USP6NL: variants seen among roughly 807,000 people sequenced by gnomAD.
The protein encoded by USP6NL is USP6 N-terminal-like protein.
Under a neutral mutation model 61.9 loss-of-function variants are expected in USP6NL, and 26 were observed. The ratio of observed to expected loss-of-function variants is 0.42; its 90% CI spans 0.31 to 0.58. The LOEUF (loss-of-function observed/expected upper bound fraction) is 0.58, where lower values mean the gene tolerates loss of function less well. Among genes scored for constraint, USP6NL ranks in the 20% least tolerant of loss-of-function variants. The pLI is 0.16. For synonymous variants in USP6NL, 432 were observed against 390.1 expected, an observed-to-expected ratio of 1.11 and a Z score of -1.27; for missense variants, 1,114 against 1,034.3, an observed-to-expected ratio of 1.08 and a Z score of -1.06.
rs1235981348 is a variant in USP6NL, at chr10:11,491,476, G to A, written c.495-596C>T. 1.3e-5 allele frequency among the ~76,000 whole-genome samples: 2 copies of A among 152,198 alleles called. No individual in the cohort carries two copies. Among genetic ancestry groups the A allele is most frequent in the Admixed American group, 1.3e-4 (2 of 15,278 alleles). Reference sequence around the variant, plus strand: ...CGAGAGATCTTAGTTCCAAAAGGAGGAATGCTTCCACCATGAGACATAACA... The same window carrying A: ...CGAGAGATCTTAGTTCCAAAAGGAGAAATGCTTCCACCATGAGACATAACA... On this transcript the variant is annotated intron_variant, in intron 8 of 14. Coordinates refer to ENST00000609104, the MANE Select transcript of USP6NL (RefSeq NM_014688.5). The surrounding 1 kb of genome is among the most constrained non-coding windows in gnomAD (Gnocchi z 4.7).
Position 11,525,282 on chromosome 10 carries a change from T to C in USP6NL, c.155+104A>G. ...ATCAAAACGCATATTGTAAGACTAT[T>C]CCTTATTCACAGCAATTATATTAAA... On this transcript the variant is annotated intron_variant, in intron 4 of 14. Transcript: ENST00000609104. The surrounding 1 kb of genome is among the most constrained non-coding windows in gnomAD (Gnocchi z 5.0). The C allele has an allele frequency of 4.4e-6, 4 of 908,444 alleles. No individual in the cohort carries two copies. The highest frequency in any genetic ancestry group is 1.8e-5 in the South Asian group (1 of 55,870). The allele number at this position is 908,444 out of a possible 1,614,324, so 56.3% of individuals were successfully genotyped here.
chr10:11,518,141 C>A lies in USP6NL; in HGVS notation c.195+394G>T, dbSNP rs1189419653. On this transcript the variant is annotated intron_variant, in intron 5 of 14. Coordinates refer to ENST00000609104, the MANE Select transcript of USP6NL (RefSeq NM_014688.5). This position sits in a 1 kb window ranked among gnomAD's most constrained non-coding sequence, Gnocchi z 5.3. ...GGAACAGTCACATTTCAAAGAACTG[C>A]TGGTCTTAGAATGGTGCTTTATTTG... Among the ~76,000 whole-genome samples, 1 of 152,140 alleles carries A rather than the reference C, an allele frequency of 6.6e-6. No individual in the cohort carries two copies. The highest frequency in any genetic ancestry group is 1.5e-5 in the Non-Finnish European group (1 of 68,034).
chr10:11,508,906 T>C (rs1834576052), intron 6 of USP6NL, among the ~76,000 whole-genome samples: 1 of 152,220 alleles, frequency 6.6e-6, no homozygotes, highest in Non-Finnish European at 1.5e-5. Flanking sequence ...TGAAGGAAGA[T>C]AACTGACACA....
At chr10:11,509,499 G>A (rs1834603892) in intron 6 of USP6NL, 96 bp downstream of exon 6, 1 of 1,188,328 alleles carries the variant, frequency 8.4e-7, no homozygotes. Flanking sequence ...AACCAAATAT[G>A]AATGTAACAC....
rs1317628485 is a variant in USP6NL, at chr10:11,490,504, C to CT, written c.543+327dup. On this transcript the variant is annotated intron_variant, in intron 9 of 14. Transcript: ENST00000609104. The surrounding 1 kb of genome is among the most constrained non-coding windows in gnomAD (Gnocchi z 4.5). ...AAGCAAAAATTAACCAAGCCACCCA[C>CT]TTCCTGTCCTTCTACCCTGTATATC... 3.9e-5 allele frequency among the ~76,000 whole-genome samples: 6 copies of CT among 152,338 alleles called. No homozygotes were observed. The highest frequency in any genetic ancestry group is 1.4e-4 in the African/African-American group (6 of 41,570).
At position 11,544,799 on chromosome 10, in the gene USP6NL, A is replaced by G. The variant is rs562612680; in HGVS notation, c.5-17232T>C. ...CCACCACGCCTGGCCAGTAATCTAA[A>G]TTTTCTAAGTAGATAAGCAGGACCA... is the stretch of plus-strand genomic sequence containing the variant. On this transcript the variant is annotated intron_variant, in intron 2 of 14. Transcript: ENST00000609104. Among the ~76,000 whole-genome samples the G allele has an allele frequency of 2.1e-4, 32 of 152,244 alleles. 1 individual carries two copies. The South Asian group carries it at 6.4e-3, about 31-fold the overall frequency.
intron 1 of USP6NL, among the ~76,000 whole-genome samples, chr10:11,609,376 T>C (rs1361195723): frequency 1.3e-5 from 2 of 152,180 alleles, no homozygotes; most frequent in Admixed American, 1.3e-4. Context: ...CAGTCTATGC[T>C]TTTCAAAAAT....
rs1364937472 is a variant in USP6NL at position 11,591,266 on chromosome 10, T to C, written c.4+6365A>G. 2.0e-5 allele frequency among the ~76,000 whole-genome samples: 3 copies of C among 150,550 alleles called. No individual in the cohort carries two copies. Among genetic ancestry groups the C allele is most frequent in the Non-Finnish European group, 3.0e-5 (2 of 67,164 alleles). Reference sequence around the variant, plus strand: ...AATGGAGAGTCTCTTGAAACTATTATAAAGAAGTCATTTGGAGCACACTGG... The same window carrying C: ...AATGGAGAGTCTCTTGAAACTATTACAAAGAAGTCATTTGGAGCACACTGG... On this transcript the variant is annotated intron_variant, in intron 2 of 14. Transcript: ENST00000609104. This position sits in a 1 kb window ranked among gnomAD's most constrained non-coding sequence, Gnocchi z 4.7.
intron 2 of USP6NL, among the ~76,000 whole-genome samples, chr10:11,535,823 T>G (rs1359303971): frequency 6.6e-6 from 1 of 152,234 alleles, no homozygotes; most frequent in Admixed American, 6.5e-5. Flanking sequence ...TTTTTAAATG[T>G]TGAAATCTTA....
intron 14 of USP6NL, among the ~76,000 whole-genome samples, chr10:11,467,239 T>A (rs2133159652): frequency 1.3e-5 from 2 of 152,262 alleles, no homozygotes; most frequent in East Asian, 3.9e-4. Context: ...GGATGCCCTA[T>A]ATAGAAAAAT....
In USP6NL at chr10:11,461,743, A is replaced by T. The variant is rs2096214893; in HGVS notation, c.*698T>A. 1 of 152,292 alleles carries T rather than the reference A, an allele frequency of 6.6e-6. No individual in the cohort carries two copies. Among genetic ancestry groups the T allele is most frequent in the Non-Finnish European group, 1.5e-5 (1 of 68,072 alleles). 9.4% of individuals were successfully genotyped at this position (152,292 alleles called of 1,614,324 possible). A position where few individuals can be genotyped will look rare whatever the true frequency, so the allele number is the denominator to read the frequency against. Reference sequence around the variant, plus strand: ...GATTTTTAAGCACCATTAAGTGGTTAGCCTTTCTCTCCAATGTCTTTAATT... The same window carrying T: ...GATTTTTAAGCACCATTAAGTGGTTTGCCTTTCTCTCCAATGTCTTTAATT... On this transcript the variant is annotated 3_prime_UTR_variant, in exon 15 of 15. Coordinates refer to ENST00000609104, the MANE Select transcript of USP6NL (RefSeq NM_014688.5).
At position 11,476,743 on chromosome 10, in the gene USP6NL, T is replaced by C. The variant is rs1034423251; in HGVS notation, c.1078+5027A>G. Among the ~76,000 whole-genome samples, 2 of 152,194 alleles carry C rather than the reference T, an allele frequency of 1.3e-5. No individual in the cohort carries two copies. Among genetic ancestry groups the C allele is most frequent in the Non-Finnish European group, 2.9e-5 (2 of 68,044 alleles). On this transcript the variant is annotated intron_variant, in intron 14 of 14. Transcript: ENST00000609104. This position sits in a 1 kb window ranked among gnomAD's most constrained non-coding sequence, Gnocchi z 4.3. ...AATGGTAGACAGTGTATGTAGATTA[T>C]AACAATGATAAAAAACTACATGTCA...
chr10:11,532,339 A>C lies in USP6NL; in HGVS notation c.5-4772T>G. On this transcript the variant is annotated intron_variant, in intron 2 of 14. Transcript: ENST00000609104. The surrounding 1 kb of genome is among the most constrained non-coding windows in gnomAD (Gnocchi z 4.1). ...CACATTCTGCAACTAACTAAAACAAAGAAAGGCAGAGGCAGCTCTACTTTA... is the reference window on the plus strand; with the variant it reads ...CACATTCTGCAACTAACTAAAACAACGAAAGGCAGAGGCAGCTCTACTTTA... 1.2e-6 allele frequency: 1 copy of C among 868,078 alleles called. No individual in the cohort carries two copies. Among genetic ancestry groups the C allele is most frequent in the Non-Finnish European group, 1.7e-6 (1 of 584,420 alleles). The allele number at this position is 868,078 out of a possible 1,614,324, so 53.8% of individuals were successfully genotyped here.
chr10:11,496,393 T>A lies in USP6NL; in HGVS notation c.385-3165A>T, dbSNP rs1402478623. 6.6e-6 allele frequency among the ~76,000 whole-genome samples: 1 copy of A among 152,244 alleles called. No individual in the cohort carries two copies. The highest frequency in any genetic ancestry group is 6.5e-5 in the Admixed American group (1 of 15,292). ...TCCCACTGCCAGCCTAGGATTTAGC[T>A]TCCTCAGGTTTGCTAAGTTTACTAA... On this transcript the variant is annotated intron_variant, in intron 7 of 14. Transcript: ENST00000609104. The surrounding 1 kb of genome is among the most constrained non-coding windows in gnomAD (Gnocchi z 5.4).
chr10:11,490,887 A>G lies in USP6NL; in HGVS notation c.495-7T>C. 6.6e-7 allele frequency: 1 copy of G among 1,526,086 alleles called. No individual in the cohort carries two copies. The highest frequency in any genetic ancestry group is 8.8e-7 in the Non-Finnish European group (1 of 1,140,326). The allele number at this position is 1,526,086 out of a possible 1,614,324, so 94.5% of individuals were successfully genotyped here. On this transcript the variant is annotated splice_polypyrimidine_tract_variant and splice_region_variant and intron_variant, in intron 8 of 14. Transcript: ENST00000609104. This position sits in a 1 kb window ranked among gnomAD's most constrained non-coding sequence, Gnocchi z 4.5. ...ATGGAATAAGGATTGTTGCCTAGAG[A>G]AAAAAATTTACATTAAATACAATTT...
chr10:11,473,391 G>A (rs1176902118), intron 14 of USP6NL, among the ~76,000 whole-genome samples: 1 of 152,170 alleles, frequency 6.6e-6, no homozygotes, highest in African/African-American at 2.4e-5. Flanking sequence ...GGACGGGTCA[G>A]GCACAAAACA....
In USP6NL at chr10:11,501,095, A is replaced by G; in HGVS notation, c.384+6T>C. On this transcript the variant is annotated splice_donor_region_variant and intron_variant, in intron 7 of 14. Transcript: ENST00000609104. ...TCAAAATAACAAGTTAGCTTTAGCTACTCACACTATACAGGTCCCTTGTTT... is the reference window on the plus strand; with the variant it reads ...TCAAAATAACAAGTTAGCTTTAGCTGCTCACACTATACAGGTCCCTTGTTT... 1 of 1,577,106 alleles carries G rather than the reference A, an allele frequency of 6.3e-7. No homozygotes were observed. Among genetic ancestry groups the G allele is most frequent in the East Asian group, 2.2e-5 (1 of 44,686 alleles).
Position 11,463,818 on chromosome 10 carries a change from CA to C in USP6NL, c.1109del (p.Leu370TrpfsTer16). On this transcript the variant is annotated frameshift_variant, in exon 15 of 15. Transcript: ENST00000609104. LOFTEE classifies it low-confidence loss of function (END_TRUNC). This position sits in a 1 kb window ranked among gnomAD's most constrained non-coding sequence, Gnocchi z 6.3. The part of the protein sequence containing the change: ...GKEDEYPKKP[L>X]GQLPPELQSW... ...ACTGAAGTTCAGGTGGAAGCTGCCC[CA>C]AGGGCTTCTTTGGATATTCATCCTC... The C allele has an allele frequency of 6.8e-7, 1 of 1,473,380 alleles. No individual in the cohort carries two copies. The highest frequency in any genetic ancestry group is 9.0e-7 in the Non-Finnish European group (1 of 1,112,518). The allele number at this position is 1,473,380 out of a possible 1,614,324, so 91.3% of individuals were successfully genotyped here.
Position 11,482,066 on chromosome 10 carries a change from A to G in USP6NL, c.926-144T>C. On this transcript the variant is annotated intron_variant, in intron 13 of 14. Transcript: ENST00000609104. This position sits in a 1 kb window ranked among gnomAD's most constrained non-coding sequence, Gnocchi z 4.0. ...ACTTACATATGGCATTGAGGACATC[A>G]TTAAAACTCAGTAAGACAAAAATAT... 2.5e-6 allele frequency: 2 copies of G among 808,696 alleles called. No homozygotes were observed. The highest frequency in any genetic ancestry group is 2.6e-5 in the South Asian group (1 of 38,944). The allele number at this position is 808,696 out of a possible 1,614,324, so 50.1% of individuals were successfully genotyped here.
Sources: allele counts gnomAD v4.1 joint callset (sites outside exome capture counted in the v4.1 genomes callset), GRCh38; gene constraint gnomAD v4.1.1; non-coding constraint Gnocchi (gnomAD v3.1); transcripts MANE v1.5; gene names NCBI Gene and HGNC (gene_info 2026-07-23, HGNC 2026-07-21).